Variants in RBFOX1 observed in about 807,000 individuals in gnomAD.
RBFOX1 encodes RNA binding protein fox-1 homolog 1.
RBFOX1 carries 8 observed loss-of-function variants against 57.7 expected under a neutral mutation model. That is an observed-to-expected ratio of 0.14 (90% CI 0.08 to 0.25). The LOEUF (loss-of-function observed/expected upper bound fraction) is 0.25. Among genes scored for constraint, RBFOX1 ranks in the 10% least tolerant of loss-of-function variants. The pLI, the probability that RBFOX1 is intolerant of heterozygous loss-of-function variation, is 1.00. For synonymous variants in RBFOX1, 326 were observed against 222.4 expected (o/e 1.47, Z -4.15); for missense variants, 611 against 548.5 (o/e 1.11, Z -1.14).
intron 3 of RBFOX1, among the ~76,000 whole-genome samples, chr16:6,997,149 C>T (rs545880357): frequency 2.0e-5 from 3 of 152,042 alleles, no homozygotes; most frequent in African/African-American, 4.8e-5. Context: ...GTTGTCTTTT[C>T]TGTTAGCTGA....
intron 4 of RBFOX1, among the ~76,000 whole-genome samples, chr16:7,116,835 C>G (rs755172800): frequency 6.6e-6 from 1 of 152,142 alleles, no homozygotes; most frequent in Non-Finnish European, 1.5e-5. Context: ...GGACACAGAC[C>G]ATCCCCTCAA....
chr16:7,499,629 CA>C (rs1567525228), intron 4 of RBFOX1, among the ~76,000 whole-genome samples: 1 of 152,088 alleles, frequency 6.6e-6, no homozygotes, highest in Admixed American at 6.5e-5. Flanking sequence ...CGTTAAAAAT[CA>C]AACGAGAAAA....
At chr16:6,106,181 G>T (rs1367550115) in intron 1 of RBFOX1, among the ~76,000 whole-genome samples, 1 of 152,088 alleles carries the variant, frequency 6.6e-6, no homozygotes, top group Non-Finnish European at 1.5e-5. Context: ...TTTTGGCCGG[G>T]CCCAGTAGCT....
intron 3 of RBFOX1, among the ~76,000 whole-genome samples, chr16:6,929,285 C>G (rs1356097212): frequency 2.6e-5 from 4 of 152,094 alleles, no homozygotes; most frequent in East Asian, 1.9e-4. Context: ...AGGTAGGAAA[C>G]TGGGGAAGCT....
At chr16:7,256,514 C>A (rs8047169) in intron 4 of RBFOX1, among the ~76,000 whole-genome samples, 29,432 of 152,066 alleles carry the variant, frequency 0.19, 2,888 homozygotes, top group South Asian at 0.3. Flanking sequence ...AATCACCATT[C>A]CCCTTCCCTC....
intron 3 of RBFOX1, among the ~76,000 whole-genome samples, chr16:5,660,739 C>T (rs2049618828): frequency 6.6e-6 from 1 of 152,012 alleles, no homozygotes; most frequent in Non-Finnish European, 1.5e-5. Context: ...TAAATTGGGC[C>T]ATGAATGACG....
chr16:7,165,963 C>CACACACACACATACAT (rs1251061172), intron 4 of RBFOX1, among the ~76,000 whole-genome samples: 1 of 76,042 alleles, frequency 1.3e-5, no homozygotes, highest in African/African-American at 3.5e-5. Flanking sequence ...CACACACACA[C>CACACACACACATACAT]ACATACATAC....
intron 5 of RBFOX1, among the ~76,000 whole-genome samples, chr16:7,575,668 G>A (rs760375359): frequency 5.3e-5 from 8 of 152,182 alleles, no homozygotes; most frequent in Non-Finnish European, 8.8e-5. Flanking sequence ...ACAACTACAG[G>A]AGAATGAAGT....
At chr16:5,456,945 T>A in intron 1 of RBFOX1, among the ~76,000 whole-genome samples, 1 of 152,284 alleles carries the variant, frequency 6.6e-6, no homozygotes, top group East Asian at 1.9e-4. Flanking sequence ...CTTAGTCCGT[T>A]TGGGCTGCTA....
At chr16:7,576,769 A>C (rs2093372315) in intron 5 of RBFOX1, among the ~76,000 whole-genome samples, 2 of 152,258 alleles carry the variant, frequency 1.3e-5, no homozygotes, top group Admixed American at 1.3e-4. Flanking sequence ...TGAAACATCC[A>C]GCAGTTATAC....
chr16:5,777,886 C>G (rs918813101), intron 3 of RBFOX1, among the ~76,000 whole-genome samples: 1 of 152,176 alleles, frequency 6.6e-6, no homozygotes, highest in South Asian at 2.1e-4. Flanking sequence ...AAGTAGGCAT[C>G]TCTTCCATTT....
intron 4 of RBFOX1, among the ~76,000 whole-genome samples, chr16:5,896,161 C>G (rs186923013): frequency 2.3e-4 from 35 of 152,248 alleles, no homozygotes; most frequent in Admixed American, 5.9e-4. Flanking sequence ...CCAGGAAAGG[C>G]TGTGGAGCAT....
chr16:6,899,050 G>A (rs1330200233), intron 3 of RBFOX1, among the ~76,000 whole-genome samples: 4 of 151,304 alleles, frequency 2.6e-5, no homozygotes. Context: ...GTATGCATGT[G>A]TATGTATAAT....
rs1602412184 is a variant in RBFOX1 at position 7,581,220 on chromosome 16, A to G, written c.414+1300A>G. Among the ~76,000 whole-genome samples the G allele has an allele frequency of 4.6e-5, 7 of 152,308 alleles. No homozygotes were observed. In the South Asian group the frequency reaches 1.5e-3, roughly 32 times the overall value. ...CAGCTCTTGCACTTTTATCTCTCTC[A>G]TTTGGTAATAACCTTGAGTTGAGCC... On this transcript the variant is annotated intron_variant, in intron 6 of 15. Transcript: ENST00000550418.
At chr16:5,302,028 T>G (rs2063819380) in intron 1 of RBFOX1, among the ~76,000 whole-genome samples, 1 of 152,170 alleles carries the variant, frequency 6.6e-6, no homozygotes, top group Admixed American at 6.5e-5. Context: ...TAGGTTCCAG[T>G]TTAGATCATT....
chr16:7,349,113 G>A (rs1330847481), intron 4 of RBFOX1, among the ~76,000 whole-genome samples: 1 of 152,156 alleles, frequency 6.6e-6, no homozygotes, highest in Non-Finnish European at 1.5e-5. Context: ...AGGTGTGGTT[G>A]CTCCTATGGT....
chr16:7,432,572 C>T (rs1347057272), intron 4 of RBFOX1, among the ~76,000 whole-genome samples: 2 of 152,156 alleles, frequency 1.3e-5, no homozygotes, highest in African/African-American at 4.8e-5. Flanking sequence ...CTTTGTGGGC[C>T]ATCTGGTCTC....
At chr16:6,138,845 C>T (rs866350413) in intron 1 of RBFOX1, among the ~76,000 whole-genome samples, 8 of 152,178 alleles carry the variant, frequency 5.3e-5, no homozygotes, top group Admixed American at 3.3e-4. Flanking sequence ...CCAGCCTGGG[C>T]GACAGAGTGA....
At chr16:6,143,977 A>G (rs1192849946) in intron 1 of RBFOX1, among the ~76,000 whole-genome samples, 1 of 150,338 alleles carries the variant, frequency 6.7e-6, no homozygotes, top group South Asian at 2.1e-4. Flanking sequence ...ATATATATAT[A>G]TATATCTCTA....
Sources: allele counts gnomAD v4.1 joint callset (sites outside exome capture counted in the v4.1 genomes callset), GRCh38; gene constraint gnomAD v4.1.1; transcripts MANE v1.5; gene names NCBI Gene and HGNC (gene_info 2026-07-23, HGNC 2026-07-21).